The following TACC2 variants were observed in gnomAD, a reference collection of about 807,000 sequenced individuals.
TACC2 encodes the protein transforming acidic coiled-coil containing protein 2, also known as transforming acidic coiled-coil-containing protein 2.
TACC2 carries 137 observed loss-of-function variants against 227.3 expected under a neutral mutation model. The observed-to-expected ratio is 0.60, with a 90% CI of 0.52 to 0.69. The LOEUF (loss-of-function observed/expected upper bound fraction) is 0.69, where lower values mean the gene tolerates loss of function less well. TACC2 is among the 30% of genes least tolerant of loss of function. The pLI, the probability that TACC2 is intolerant of heterozygous loss-of-function variation, is 0.00. For synonymous variants in TACC2, 1,523 were observed against 1,487.5 expected (o/e 1.02, Z -0.55); for missense variants, 3,470 against 3,694.4 (o/e 0.94, Z 1.57).
At chr10:122,155,035 C>T (rs2092369648) in intron 7 of TACC2, among the ~76,000 whole-genome samples, 1 of 152,192 alleles carries the variant, frequency 6.6e-6, no homozygotes, top group South Asian at 2.1e-4. Flanking sequence ...AGAAATTTAC[C>T]CCAGATGCTG....
intron 2 of TACC2, among the ~76,000 whole-genome samples, chr10:122,040,525 A>G (rs887085646): frequency 6.6e-6 from 1 of 152,168 alleles, no homozygotes. Context: ...AGCTCCAAGC[A>G]TGTGGATTTC....
intron 2 of TACC2, among the ~76,000 whole-genome samples, chr10:122,040,771 T>C (rs2074157015): frequency 6.6e-6 from 1 of 152,328 alleles, no homozygotes; most frequent in Non-Finnish European, 1.5e-5. Context: ...TTTTCAACTC[T>C]AGAAACTGTG....
intron 5 of TACC2, among the ~76,000 whole-genome samples, chr10:122,112,525 G>C (rs1302241387): frequency 1.3e-5 from 2 of 152,200 alleles, no homozygotes. Flanking sequence ...GAAGAAAAAA[G>C]GGCCGGAATT....
intron 2 of TACC2, among the ~76,000 whole-genome samples, chr10:122,033,706 A>G (rs1197856971): frequency 6.6e-6 from 1 of 152,180 alleles, no homozygotes; most frequent in Non-Finnish European, 1.5e-5. Flanking sequence ...GTCACCTCAC[A>G]GTGCTTTTTC....
rs570763513 is a variant in TACC2, at chr10:122,107,136, A to G, written c.5573+18545A>G. Reference sequence around the variant, plus strand: ...CTAACCCAATTATTTAAACAAAAGTAAGGAAACAAGGAGGAAGAACAGCAG... The same window carrying G: ...CTAACCCAATTATTTAAACAAAAGTGAGGAAACAAGGAGGAAGAACAGCAG... On this transcript the variant is annotated intron_variant, in intron 5 of 22. Coordinates refer to ENST00000369005, the MANE Select transcript of TACC2 (RefSeq NM_206862.4). 3.9e-5 allele frequency among the ~76,000 whole-genome samples: 6 copies of G among 152,380 alleles called. No individual in the cohort carries two copies. In the East Asian group the frequency reaches 1.2e-3, roughly 29 times the overall value.
intron 2 of TACC2, chr10:122,032,972 AAAC>A (rs5788528): frequency 1.0e-3 from 472 of 459,664 alleles, no homozygotes; most frequent in African/African-American, 4.3e-3. Context: ...CAAAACAACA[AAAC>A]AACAACAACA....
At chr10:122,232,088 G>A (rs1359585848) in intron 16 of TACC2, among the ~76,000 whole-genome samples, 2 of 152,252 alleles carry the variant, frequency 1.3e-5, no homozygotes, top group Admixed American at 1.3e-4. Context: ...CCAAGGCAGG[G>A]ACAAGAATGT....
intron 8 of TACC2, among the ~76,000 whole-genome samples, chr10:122,208,097 C>A (rs1033815182): frequency 6.6e-6 from 1 of 152,124 alleles, no homozygotes; most frequent in South Asian, 2.1e-4. Flanking sequence ...CGAGGCAACA[C>A]CTTTTGAAAT....
At position 122,238,054 on chromosome 10, in the gene TACC2, G is replaced by T; in HGVS notation, c.8348+17G>T. On this transcript the variant is annotated intron_variant, in intron 18 of 22. Coordinates refer to ENST00000369005, the MANE Select transcript of TACC2 (RefSeq NM_206862.4). ...GGAAATGAGGTCAGTTGGGGAGCTGGGCCTTCCTCGTGCCTGAGGGATACT... is the reference window on the plus strand; with the variant it reads ...GGAAATGAGGTCAGTTGGGGAGCTGTGCCTTCCTCGTGCCTGAGGGATACT... 2 of 1,609,510 alleles carry T rather than the reference G, an allele frequency of 1.2e-6. No individual in the cohort carries two copies. Among genetic ancestry groups the T allele is most frequent in the Non-Finnish European group, 8.5e-7 (1 of 1,175,910 alleles).
chr10:122,189,768 A>G (rs2140441022), intron 7 of TACC2, among the ~76,000 whole-genome samples: 1 of 152,268 alleles, frequency 6.6e-6, no homozygotes, highest in Non-Finnish European at 1.5e-5. Flanking sequence ...TTCCAGGATG[A>G]GTGTTGTATT....
chr10:122,026,317 A>G lies in TACC2; in HGVS notation c.33+4303A>G, dbSNP rs945945240. Among the ~76,000 whole-genome samples the G allele has an allele frequency of 8.7e-3, 1,294 of 148,964 alleles. 55 individuals are homozygous for G. Among genetic ancestry groups the G allele is most frequent in the Admixed American group, 0.077 (1,139 of 14,768 alleles). ...CTACAGAGTGAGACTCTGTCTCAAA[A>G]AAAAAAAAAAAAAAAAAAAGTATAA... is the stretch of plus-strand genomic sequence containing the variant. On this transcript the variant is annotated intron_variant, in intron 2 of 22. Coordinates refer to ENST00000369005, the MANE Select transcript of TACC2 (RefSeq NM_206862.4).
rs866915985 is a variant in TACC2, at chr10:122,254,057, C to T, written c.*1C>T. The T allele has an allele frequency of 6.2e-7, 1 of 1,613,902 alleles. No individual in the cohort carries two copies. The highest frequency in any genetic ancestry group is 1.7e-5 in the Admixed American group (1 of 60,018). On this transcript the variant is annotated 3_prime_UTR_variant, in exon 23 of 23. Coordinates refer to ENST00000369005, the MANE Select transcript of TACC2 (RefSeq NM_206862.4). Reference sequence around the variant, plus strand: ...GATTGCCAAAATGGGGAAAAGCTAACTCTGAACCGAATGTTTTGGACTTAA... The same window carrying T: ...GATTGCCAAAATGGGGAAAAGCTAATTCTGAACCGAATGTTTTGGACTTAA...
intron 2 of TACC2, among the ~76,000 whole-genome samples, chr10:122,033,662 T>C (rs1012901376): frequency 2.0e-5 from 3 of 152,160 alleles, no homozygotes; most frequent in African/African-American, 7.2e-5. Context: ...GTGTTTGCCA[T>C]CCACTGGGGA....
intron 1 of TACC2, among the ~76,000 whole-genome samples, chr10:122,010,596 A>C (rs941067710): frequency 6.6e-6 from 1 of 152,152 alleles, no homozygotes; most frequent in Non-Finnish European, 1.5e-5. Context: ...CCAAGACAAC[A>C]CTGGTGGCTG....
chr10:122,098,994 G>A lies in TACC2; in HGVS notation c.5573+10403G>A, dbSNP rs1029519002. Reference sequence around the variant, plus strand: ...TTGGGGTTAACCTCTTGCCAGGAGCGGCTGCAGAGAGGCTGCAAGCTAACA... The same window carrying A: ...TTGGGGTTAACCTCTTGCCAGGAGCAGCTGCAGAGAGGCTGCAAGCTAACA... On this transcript the variant is annotated intron_variant, in intron 5 of 22. Transcript: ENST00000369005. Among the ~76,000 whole-genome samples, 66 of 152,194 alleles carry A rather than the reference G, an allele frequency of 4.3e-4. 2 individuals are homozygous for A. Among genetic ancestry groups the A allele is most frequent in the Admixed American group, 4.1e-3 (62 of 15,280 alleles).
chr10:122,086,540 C>A lies in TACC2; in HGVS notation c.4040C>A (p.Ala1347Glu). Residue 1347 changes from alanine (A) to glutamate (E), a missense_variant, in exon 4 of 23, where the codon GCA becomes GAA. This residue lies in a region of TACC2 where 1,924 missense variants were observed against 1,978.3 expected (regional missense o/e 0.97). Coordinates refer to ENST00000369005, the MANE Select transcript of TACC2 (RefSeq NM_206862.4). Reference sequence around the variant, plus strand: ...AAGCAGGCAACAGGGGAAGAGAAAGCAGCAACAGCTCCAGGTGCAGGTGCC... The same window carrying A: ...AAGCAGGCAACAGGGGAAGAGAAAGAAGCAACAGCTCCAGGTGCAGGTGCC... ...KGKQATGEEK[A>E]ATAPGAGAKA... The A allele has an allele frequency of 6.2e-7, 1 of 1,608,692 alleles. No homozygotes were observed. Among genetic ancestry groups the A allele is most frequent in the Non-Finnish European group, 8.5e-7 (1 of 1,177,284 alleles).
At chr10:122,188,034 G>C (rs1439565218) in intron 7 of TACC2, among the ~76,000 whole-genome samples, 2 of 151,874 alleles carry the variant, frequency 1.3e-5, no homozygotes, top group African/African-American at 4.8e-5. Flanking sequence ...CTGCCTTTTG[G>C]GGAAGTCTGT....
intron 2 of TACC2, among the ~76,000 whole-genome samples, chr10:122,028,661 T>A (rs1410946180): frequency 6.6e-6 from 1 of 152,136 alleles, no homozygotes; most frequent in Non-Finnish European, 1.5e-5. Flanking sequence ...GTAATCACGT[T>A]ATTTGCAAAT....
chr10:122,045,545 G>T (rs935606787), intron 2 of TACC2, among the ~76,000 whole-genome samples: 6 of 152,334 alleles, frequency 3.9e-5, no homozygotes, highest in African/African-American at 1.4e-4. Flanking sequence ...CACACAGAAA[G>T]TGTTCCTAAT....
Sources: gnomAD v4.1 joint callset for allele counts (sites outside exome capture counted in the v4.1 genomes callset) on GRCh38, gnomAD v4.1.1 for gene constraint, gnomAD v4.1.1 regional missense constraint, MANE v1.5 for transcripts, NCBI Gene and HGNC (gene_info 2026-07-23, HGNC 2026-07-21) for gene names.